Variants in GALNT17 observed in about 807,000 individuals in gnomAD.
The protein encoded by GALNT17 is UDP-GalNAc:polypeptide N-acetylgalactosaminyltransferase-like 3.
A neutral mutation model predicts 63.7 loss-of-function variants in GALNT17; 29 were observed. That is an observed-to-expected ratio of 0.46 (90% confidence interval 0.34 to 0.62). The LOEUF is 0.62. GALNT17 is among the 20% of genes least tolerant of loss of function. GALNT17 has a pLI of 0.01. For synonymous variants in GALNT17, 305 were observed against 318.3 expected (o/e 0.96, Z 0.45); for missense variants, 603 against 799.6 (o/e 0.75, Z 2.97).
At chr7:71,353,471 C>A (rs1442675541) in intron 2 of GALNT17, among the ~76,000 whole-genome samples, 1 of 152,172 alleles carries the variant, frequency 6.6e-6, no homozygotes, top group Non-Finnish European at 1.5e-5. Context: ...GTATTACATT[C>A]ATTTATCATG....
At chr7:71,439,757 G>C (rs1028435511) in intron 5 of GALNT17, among the ~76,000 whole-genome samples, 2 of 152,148 alleles carry the variant, frequency 1.3e-5, no homozygotes, top group African/African-American at 2.4e-5. Context: ...AAATAGGGAA[G>C]CAGCCATCCC....
chr7:71,401,557 G>A (rs756682104), intron 3 of GALNT17, among the ~76,000 whole-genome samples: 12 of 152,140 alleles, frequency 7.9e-5, no homozygotes, highest in African/African-American at 1.7e-4. Context: ...GCGGGTGAGG[G>A]AGCAAAACTT....
chr7:71,660,796 ATGTAGGCCTGGTTGCTTAACCAC>A (rs1313434008), intron 6 of GALNT17, among the ~76,000 whole-genome samples: 2 of 152,152 alleles, frequency 1.3e-5, no homozygotes, highest in African/African-American at 4.8e-5. Context: ...TCCATCTGCT[ATGTAGGCCTGGTTGCTTAACCAC>A]TGGCAGACTT....
At chr7:71,151,693 A>T (rs1031454227) in intron 1 of GALNT17, among the ~76,000 whole-genome samples, 4 of 152,068 alleles carry the variant, frequency 2.6e-5, no homozygotes, top group Non-Finnish European at 4.4e-5. Context: ...TATTTACAGG[A>T]TGATGGAATG....
chr7:71,388,148 C>T lies in GALNT17; in HGVS notation c.423-87C>T, dbSNP rs562480402. ...GCCTTGGGACGACTGGATGAGGATT[C>T]GGCTGAAATCTTACACTATGTCCAG... On this transcript the variant is annotated intron_variant, in intron 2 of 10. Transcript: ENST00000333538. The T allele has an allele frequency of 6.3e-6, 9 of 1,421,950 alleles. No homozygotes were observed. The South Asian group carries it at 6.6e-5, about 10-fold the overall frequency. 88.1% of individuals were successfully genotyped at this position (1,421,950 alleles called of 1,614,324 possible). A position where few individuals can be genotyped will look rare whatever the true frequency, so the allele number is the denominator to read the frequency against.
intron 5 of GALNT17, among the ~76,000 whole-genome samples, chr7:71,529,398 T>C (rs1297195594): frequency 6.6e-6 from 1 of 152,148 alleles, no homozygotes; most frequent in Non-Finnish European, 1.5e-5. Flanking sequence ...GGCGTATGGA[T>C]AAATTCATAT....
At chr7:71,541,371 G>A (rs1004067920) in intron 5 of GALNT17, among the ~76,000 whole-genome samples, 1 of 151,884 alleles carries the variant, frequency 6.6e-6, no homozygotes, top group African/African-American at 2.4e-5. Flanking sequence ...TGGCCAACAT[G>A]GTGAAATCCC....
intron 1 of GALNT17, among the ~76,000 whole-genome samples, chr7:71,199,593 A>G (rs1789125555): frequency 6.9e-6 from 1 of 144,968 alleles, no homozygotes. Flanking sequence ...TCATTAATCC[A>G]TTCATCTGCT....
Position 71,524,215 on chromosome 7 carries a change from CTAT to C in GALNT17, c.963-47063_963-47061del, listed in dbSNP as rs1047243221. On this transcript the variant is annotated intron_variant, in intron 5 of 10. Transcript: ENST00000333538. Reference sequence around the variant, plus strand: ...ACTAGTAATAGTAACTAGTTATTAACTATTATTATATTATATTATATATATAAT... The same window carrying C: ...ACTAGTAATAGTAACTAGTTATTAACTATTATATTATATTATATATATAAT... Among the ~76,000 whole-genome samples, 4 of 146,694 alleles carry C rather than the reference CTAT, an allele frequency of 2.7e-5. No individual in the cohort carries two copies. In the East Asian group the frequency reaches 5.9e-4, roughly 21 times the overall value.
chr7:71,566,800 A>G (rs2116868495), intron 5 of GALNT17, among the ~76,000 whole-genome samples: 1 of 152,202 alleles, frequency 6.6e-6, no homozygotes, highest in East Asian at 1.9e-4. Flanking sequence ...CAAAGACACA[A>G]AGGACCCTCC....
intron 1 of GALNT17, among the ~76,000 whole-genome samples, chr7:71,169,616 C>T (rs1460924693): frequency 5.3e-5 from 8 of 152,138 alleles, no homozygotes; most frequent in African/African-American, 1.7e-4. Flanking sequence ...AGTACAGTGG[C>T]GTGATCATGG....
Position 71,416,103 on chromosome 7 carries a change from C to T in GALNT17, c.764+40C>T, listed in dbSNP as rs146756589. On this transcript the variant is annotated intron_variant, in intron 4 of 10. Coordinates refer to ENST00000333538, the MANE Select transcript of GALNT17 (RefSeq NM_022479.3). ...GAAACTCAGGGGTGCTCAAGACCTG[C>T]ATTGTGGTTGAGAGGGGCTGGAATC... 2.2e-4 allele frequency: 340 copies of T among 1,567,058 alleles called. 1 individual carries two copies. In the African/African-American group the frequency reaches 4.1e-3, roughly 19 times the overall value.
intron 2 of GALNT17, among the ~76,000 whole-genome samples, chr7:71,361,659 T>A (rs1291631631): frequency 6.6e-6 from 1 of 152,126 alleles, no homozygotes; most frequent in African/African-American, 2.4e-5. Flanking sequence ...ATAGCTGTGA[T>A]GTTGAGTTTC....
intron 1 of GALNT17, among the ~76,000 whole-genome samples, chr7:71,218,553 G>T (rs1032448396): frequency 1.3e-5 from 2 of 152,000 alleles, no homozygotes; most frequent in Non-Finnish European, 2.9e-5. Context: ...GTGACACAGG[G>T]GTCCCCAACC....
intron 1 of GALNT17, among the ~76,000 whole-genome samples, chr7:71,237,617 T>G (rs1789918933): frequency 6.6e-6 from 1 of 151,842 alleles, no homozygotes; most frequent in Non-Finnish European, 1.5e-5. Flanking sequence ...CCCAGGAGCT[T>G]GAGGCTACTG....
At chr7:71,371,800 G>GAGATAGGAAAGGACCCCC (rs950174028) in intron 2 of GALNT17, among the ~76,000 whole-genome samples, 2 of 152,156 alleles carry the variant, frequency 1.3e-5, no homozygotes, top group African/African-American at 4.8e-5. Flanking sequence ...ATACCCCATG[G>GAGATAGGAAAGGACCCCC]AGATAGGAAA....
chr7:71,314,077 C>T (rs1453569188), intron 1 of GALNT17, among the ~76,000 whole-genome samples: 2 of 152,068 alleles, frequency 1.3e-5, no homozygotes, highest in Non-Finnish European at 2.9e-5. Context: ...GGGATGGAGG[C>T]GAATGTTACC....
rs1791809871 is a variant in GALNT17 at position 71,712,477 on chromosome 7, A to G, written c.*331A>G. 5.4e-6 allele frequency: 1 copy of G among 184,188 alleles called. No homozygotes were observed. The highest frequency in any genetic ancestry group is 2.4e-5 in the African/African-American group (1 of 42,014). 11.4% of individuals were successfully genotyped at this position (184,188 alleles called of 1,614,324 possible). On this transcript the variant is annotated 3_prime_UTR_variant, in exon 11 of 11. Coordinates refer to ENST00000333538, the MANE Select transcript of GALNT17 (RefSeq NM_022479.3). ...CCACATCTCCCATCCCAGAATCAGG[A>G]TCTGGGACTGGCAGGGTCCCCTCCT...
intron 5 of GALNT17, among the ~76,000 whole-genome samples, chr7:71,506,944 G>A (rs1428024700): frequency 6.6e-6 from 1 of 152,224 alleles, no homozygotes; most frequent in Non-Finnish European, 1.5e-5. Flanking sequence ...ATTTTTAAAA[G>A]CACATTCAGG....
Sources: gnomAD v4.1 joint callset for allele counts (sites outside exome capture counted in the v4.1 genomes callset) on GRCh38, gnomAD v4.1.1 for gene constraint, MANE v1.5 for transcripts, NCBI Gene and HGNC (gene_info 2026-07-23, HGNC 2026-07-21) for gene names.